UBE4B: variants seen among roughly 807,000 people sequenced by gnomAD.
The protein encoded by UBE4B is ubiquitination factor E4B.
UBE4B carries 27 observed loss-of-function variants against 148.1 expected under a neutral mutation model. The observed-to-expected ratio is 0.18, with a 90% CI of 0.13 to 0.25. The LOEUF is 0.25. UBE4B is among the 10% of genes least tolerant of loss of function. UBE4B has a pLI of 1.00. For missense variants in UBE4B, 1,170 were observed against 1,662.4 expected (o/e 0.70, Z 5.15); for synonymous variants, 596 against 619.3 (o/e 0.96, Z 0.56).
chr1:10,091,056 G>A (rs1644840214), intron 2 of UBE4B, among the ~76,000 whole-genome samples: 1 of 152,170 alleles, frequency 6.6e-6, no homozygotes, highest in African/African-American at 2.4e-5. Flanking sequence ...CTAGAAGGTT[G>A]CTAATTCCTG....
chr1:10,178,859 T>G (rs776319227), intron 26 of UBE4B, 41 bp downstream of exon 26: 1 of 1,550,232 alleles, frequency 6.5e-7, no homozygotes, highest in Non-Finnish European at 8.7e-7. Context: ...TCTTTTGAGT[T>G]AACTGGAAAT....
At chr1:10,120,088 G>C (rs990462139) in intron 9 of UBE4B, among the ~76,000 whole-genome samples, 4 of 152,046 alleles carry the variant, frequency 2.6e-5, no homozygotes, top group Non-Finnish European at 5.9e-5. Flanking sequence ...ATCCTATAAA[G>C]GTTGCAAATT....
At chr1:10,065,026 G>A (rs1644362160) in intron 1 of UBE4B, among the ~76,000 whole-genome samples, 1 of 152,110 alleles carries the variant, frequency 6.6e-6, no homozygotes, top group Non-Finnish European at 1.5e-5. Flanking sequence ...GCCTCCCAAA[G>A]TGCTGGGATT....
chr1:10,136,641 G>C (rs1830501), intron 16 of UBE4B, among the ~76,000 whole-genome samples: 150,194 of 152,304 alleles, frequency 0.99, 74,062 homozygotes, highest in East Asian at 1. Context: ...AACTTCTGGC[G>C]GGGCATGGTG....
intron 2 of UBE4B, among the ~76,000 whole-genome samples, chr1:10,093,069 GTAT>G (rs1269408489): frequency 2.0e-5 from 3 of 152,118 alleles, no homozygotes; most frequent in African/African-American, 4.8e-5. Context: ...TATTGCTACA[GTAT>G]TATTGTACAC....
chr1:10,108,257 A>G (rs1025375908), intron 7 of UBE4B, among the ~76,000 whole-genome samples: 5 of 150,016 alleles, frequency 3.3e-5, no homozygotes, highest in African/African-American at 9.8e-5. Context: ...ATCGAAGAAC[A>G]TATGAGGTCA....
intron 21 of UBE4B, 143 bp from the exon 22 acceptor site, chr1:10,158,213 C>G (rs1646104608): frequency 3.1e-6 from 3 of 972,306 alleles, no homozygotes; most frequent in Non-Finnish European, 4.5e-6. Flanking sequence ...TCTGTCGTGC[C>G]CTACATGCAA....
intron 1 of UBE4B, among the ~76,000 whole-genome samples, chr1:10,039,679 G>C (rs1643683420): frequency 6.6e-6 from 1 of 151,780 alleles, no homozygotes; most frequent in Admixed American, 6.6e-5. Context: ...ACCTCAAGTG[G>C]CCCACCTGCC....
chr1:10,172,698 CTTT>C (rs745473864), intron 25 of UBE4B, among the ~76,000 whole-genome samples: 3 of 152,076 alleles, frequency 2.0e-5, no homozygotes, highest in Non-Finnish European at 4.4e-5. Flanking sequence ...ATTGTAGGTA[CTTT>C]TTTTTAATGA....
chr1:10,099,246 A>G (rs182577068), intron 3 of UBE4B, among the ~76,000 whole-genome samples: 1 of 152,336 alleles, frequency 6.6e-6, no homozygotes, highest in African/African-American at 2.4e-5. Flanking sequence ...TGTCTAAAAA[A>G]GAAAAAATTA....
intron 21 of UBE4B, among the ~76,000 whole-genome samples, chr1:10,155,498 T>C (rs1169476782): frequency 6.6e-6 from 1 of 152,198 alleles, no homozygotes; most frequent in African/African-American, 2.4e-5. Context: ...CCCTGGCTAC[T>C]GTGCTGGTCT....
rs1437729427 is a variant in UBE4B, at chr1:10,161,400, T to TG, written c.3198+117dup. 8.8e-6 allele frequency: 11 copies of TG among 1,243,498 alleles called. No individual in the cohort carries two copies. In the Admixed American group the frequency reaches 1.8e-4, roughly 20 times the overall value. The allele number at this position is 1,243,498 out of a possible 1,614,324, so 77.0% of individuals were successfully genotyped here. ...TCTGATGATATGCGATCTGACATGC[T>TG]GGGATTTTCCTTCCATGAAATCATA... On this transcript the variant is annotated intron_variant, in intron 23 of 27. Transcript: ENST00000343090. The surrounding 1 kb of genome is among the most constrained non-coding windows in gnomAD (Gnocchi z 4.1).
intron 11 of UBE4B, 71 bp from the exon 12 acceptor site, chr1:10,129,319 CTG>C: frequency 6.9e-7 from 1 of 1,444,052 alleles, no homozygotes; most frequent in East Asian, 2.3e-5. Flanking sequence ...GCAGTTAAAA[CTG>C]TTTCTTTATG....
chr1:10,132,583 A>G, intron 15 of UBE4B, 101 bp downstream of exon 15: 5 of 938,580 alleles, frequency 5.3e-6, no homozygotes, highest in South Asian at 1.5e-5. Flanking sequence ...GTGGGGGTAC[A>G]GTATTGAACA....
At chr1:10,164,740 C>T (rs368019306) in intron 23 of UBE4B, among the ~76,000 whole-genome samples, 24 of 152,282 alleles carry the variant, frequency 1.6e-4, no homozygotes, top group Admixed American at 3.9e-4. Context: ...TGTTCCTGCT[C>T]ATCTCCCTGA....
intron 1 of UBE4B, among the ~76,000 whole-genome samples, chr1:10,055,798 T>C (rs971884191): frequency 6.6e-6 from 1 of 152,126 alleles, no homozygotes; most frequent in Non-Finnish European, 1.5e-5. Flanking sequence ...CACGTGCCCG[T>C]AGTCCCAGCT....
intron 1 of UBE4B, among the ~76,000 whole-genome samples, chr1:10,065,863 T>C (rs550842386): frequency 1.3e-5 from 2 of 152,340 alleles, no homozygotes; most frequent in African/African-American, 4.8e-5. Context: ...AATGTAAATC[T>C]ACATCCTTTT....
chr1:10,146,866 C>G (rs1645881245), intron 18 of UBE4B, 97 bp from the exon 19 acceptor site: 14 of 1,487,916 alleles, frequency 9.4e-6, no homozygotes, highest in Non-Finnish European at 1.3e-5. Flanking sequence ...CTCTGGAACC[C>G]AAATTTCCCA....
chr1:10,100,852 C>T, intron 3 of UBE4B: 1 of 402,110 alleles, frequency 2.5e-6, no homozygotes, highest in Non-Finnish European at 4.6e-6. Flanking sequence ...CTGCACTCGG[C>T]CAATGATATA....
Sources: gnomAD v4.1 joint callset for allele counts (sites outside exome capture counted in the v4.1 genomes callset) on GRCh38, gnomAD v4.1.1 for gene constraint, Gnocchi (gnomAD v3.1) non-coding constraint, MANE v1.5 for transcripts, NCBI Gene and HGNC (gene_info 2026-07-23, HGNC 2026-07-21) for gene names.